Variants in EXOC4 observed in about 807,000 individuals in gnomAD.
EXOC4 encodes exocyst complex component 4, also known as SEC8-like 1.
A neutral mutation model predicts 107.2 loss-of-function variants in EXOC4; 71 were observed. That is an observed-to-expected ratio of 0.66 (90% CI 0.55 to 0.81). EXOC4 has a LOEUF of 0.81. Ranked by LOEUF, EXOC4 falls within the 30% of genes least tolerant of loss-of-function variation. EXOC4 has a pLI of 0.00. For missense variants in EXOC4, 1,108 were observed against 1,189.6 expected, an observed-to-expected ratio of 0.93 and a Z score of 1.01; for synonymous variants, 456 against 441.2, an observed-to-expected ratio of 1.03 and a Z score of -0.42.
chr7:133,298,094 A>T (rs1794559065), intron 3 of EXOC4, among the ~76,000 whole-genome samples: 1 of 152,190 alleles, frequency 6.6e-6, no homozygotes, highest in African/African-American at 2.4e-5. Flanking sequence ...GCTAATGAGT[A>T]GCTTTTGCTT....
the EXOC4 span, among the ~76,000 whole-genome samples, chr7:134,076,032 A>C: frequency 6.6e-6 from 1 of 152,190 alleles, no homozygotes; most frequent in Non-Finnish European, 1.5e-5. Flanking sequence ...ACTGATACAC[A>C]CAACGAAGAG....
chr7:133,834,143 A>G (rs551297548), intron 11 of EXOC4, among the ~76,000 whole-genome samples: 2 of 152,134 alleles, frequency 1.3e-5, no homozygotes, highest in East Asian at 1.9e-4. Context: ...TTTCTCTTCA[A>G]ATAATCTGAT....
intron 10 of EXOC4, among the ~76,000 whole-genome samples, chr7:133,810,209 TC>T (rs1375837516): frequency 1.3e-5 from 2 of 152,216 alleles, no homozygotes; most frequent in African/African-American, 4.8e-5. Context: ...ATAGGACCTC[TC>T]TGTTAAAGGA....
At chr7:133,481,548 T>C (rs1359518851) in intron 9 of EXOC4, among the ~76,000 whole-genome samples, 1 of 152,180 alleles carries the variant, frequency 6.6e-6, no homozygotes, top group Non-Finnish European at 1.5e-5. Context: ...ATTCCTAACT[T>C]CACCTTTGTT....
chr7:133,514,026 G>A (rs1480824698), intron 9 of EXOC4, among the ~76,000 whole-genome samples: 1 of 152,012 alleles, frequency 6.6e-6, no homozygotes, highest in Non-Finnish European at 1.5e-5. Flanking sequence ...GTGATACTTA[G>A]CATTTATTGT....
At chr7:134,051,401 T>G (rs1267363754) in intron 17 of EXOC4, among the ~76,000 whole-genome samples, 1 of 152,144 alleles carries the variant, frequency 6.6e-6, no homozygotes, top group Non-Finnish European at 1.5e-5. Flanking sequence ...GGCCAGGCAC[T>G]GTGGCTCATG....
At chr7:134,016,347 C>T (rs1794908310) in intron 17 of EXOC4, among the ~76,000 whole-genome samples, 1 of 151,856 alleles carries the variant, frequency 6.6e-6, no homozygotes, top group South Asian at 2.1e-4. Context: ...TGGGGAAGAC[C>T]CAAAAGGGCA....
intron 5 of EXOC4, among the ~76,000 whole-genome samples, chr7:133,325,072 C>T (rs2150593288): frequency 6.6e-6 from 1 of 152,248 alleles, no homozygotes; most frequent in Non-Finnish European, 1.5e-5. Context: ...GGTAGATTTT[C>T]CTCCATCCCT....
intron 10 of EXOC4, among the ~76,000 whole-genome samples, chr7:133,770,770 A>T (rs77149499): frequency 6.6e-6 from 1 of 151,946 alleles, no homozygotes; most frequent in African/African-American, 2.4e-5. Context: ...CTGAATTCAT[A>T]TGAGGCCACA....
intron 14 of EXOC4, among the ~76,000 whole-genome samples, chr7:133,985,454 A>C (rs920966176): frequency 6.6e-6 from 1 of 152,202 alleles, no homozygotes; most frequent in African/African-American, 2.4e-5. Flanking sequence ...CTCTAAGACC[A>C]GTTTTACCTA....
At chr7:133,863,379 G>A (rs1322525292) in intron 11 of EXOC4, among the ~76,000 whole-genome samples, 1 of 152,126 alleles carries the variant, frequency 6.6e-6, no homozygotes, top group Non-Finnish European at 1.5e-5. Flanking sequence ...AATACACTCT[G>A]ACTAAATGCC....
chr7:133,817,321 C>G lies in EXOC4; in HGVS notation c.1515-4C>G. 6.2e-7 allele frequency: 1 copy of G among 1,607,856 alleles called. No homozygotes were observed. The highest frequency in any genetic ancestry group is 8.5e-7 in the Non-Finnish European group (1 of 1,174,664). ...TAATAACCTTCTTACTGTTTGTCCT[C>G]CAGATTTATTCAGGAGATTGAGCAT... is the stretch of plus-strand genomic sequence containing the variant. On this transcript the variant is annotated splice_polypyrimidine_tract_variant and splice_region_variant and intron_variant, in intron 10 of 17. Transcript: ENST00000253861.
At chr7:133,565,186 T>C (rs990947837) in intron 9 of EXOC4, among the ~76,000 whole-genome samples, 25 of 152,090 alleles carry the variant, frequency 1.6e-4, no homozygotes, top group African/African-American at 5.8e-4. Flanking sequence ...TTCCCAAGGA[T>C]TGGACATGTG....
intron 11 of EXOC4, among the ~76,000 whole-genome samples, chr7:133,822,250 A>G (rs1291839126): frequency 1.3e-5 from 2 of 152,214 alleles, no homozygotes; most frequent in African/African-American, 2.4e-5. Flanking sequence ...CATGCTTTAT[A>G]TATCTCCCAG....
At chr7:133,549,990 A>C (rs769920124) in intron 9 of EXOC4, among the ~76,000 whole-genome samples, 1 of 152,126 alleles carries the variant, frequency 6.6e-6, no homozygotes, top group South Asian at 2.1e-4. Context: ...CATAGCCATA[A>C]GTTGTACAAA....
chr7:133,450,123 A>G (rs1216831040), intron 7 of EXOC4, among the ~76,000 whole-genome samples: 1 of 151,940 alleles, frequency 6.6e-6, no homozygotes, highest in Non-Finnish European at 1.5e-5. Context: ...CTTGTGTGCT[A>G]CTGAGGATGC....
chr7:133,266,891 C>T (rs547657107), intron 1 of EXOC4, among the ~76,000 whole-genome samples: 1 of 152,238 alleles, frequency 6.6e-6, no homozygotes, highest in South Asian at 2.1e-4. Context: ...GAACTGGAGT[C>T]CATATTTTTT....
At chr7:133,922,074 TCTTA>T (rs1456404783) in intron 13 of EXOC4, among the ~76,000 whole-genome samples, 1 of 151,874 alleles carries the variant, frequency 6.6e-6, no homozygotes, top group Non-Finnish European at 1.5e-5. Context: ...CTTGATTCTT[TCTTA>T]GAGTTTTCAT....
chr7:133,959,734 G>A lies in EXOC4; in HGVS notation c.2206+21665G>A, dbSNP rs540348042. Reference sequence around the variant, plus strand: ...AAAAAAATAAAAGTTTTTCTAGAAAGTACATCTAGAAAAGAAGCAGAAAAG... The same window carrying A: ...AAAAAAATAAAAGTTTTTCTAGAAAATACATCTAGAAAAGAAGCAGAAAAG... On this transcript the variant is annotated intron_variant, in intron 14 of 17. Transcript: ENST00000253861. 2.0e-5 allele frequency among the ~76,000 whole-genome samples: 3 copies of A among 151,882 alleles called. No homozygotes were observed. The South Asian group carries it at 6.2e-4, about 32-fold the overall frequency.
Sources: gnomAD v4.1 joint callset for allele counts (sites outside exome capture counted in the v4.1 genomes callset) on GRCh38, gnomAD v4.1.1 for gene constraint, MANE v1.5 for transcripts, NCBI Gene and HGNC (gene_info 2026-07-23, HGNC 2026-07-21) for gene names.